The following USP18 variants were observed in gnomAD, a reference collection of about 807,000 sequenced individuals.
USP18 encodes ubl carboxyl-terminal hydrolase 18.
Under a neutral mutation model 48.7 loss-of-function variants are expected in USP18, and 11 were observed. The ratio of observed to expected loss-of-function variants is 0.23; its 90% CI spans 0.14 to 0.37. USP18 has a LOEUF of 0.37. Ranked by LOEUF, USP18 falls within the 10% of genes least tolerant of loss-of-function variation. The pLI is 1.00. For synonymous variants in USP18, 114 were observed against 163.2 expected, an observed-to-expected ratio of 0.70 and a Z score of 2.30; for missense variants, 285 against 436.4, an observed-to-expected ratio of 0.65 and a Z score of 3.09.
intron 6 of USP18, among the ~76,000 whole-genome samples, chr22:18,168,604 C>G (rs1295108289): frequency 6.6e-6 from 1 of 152,104 alleles, no homozygotes; most frequent in Non-Finnish European, 1.5e-5. Context: ...CCATGTTGGC[C>G]AGGCTGGTCT....
chr22:18,175,704 C>T (rs9605540), intron 10 of USP18, among the ~76,000 whole-genome samples: 132 of 143,130 alleles, frequency 9.2e-4, no homozygotes, highest in Admixed American at 1.8e-3. Context: ...AGACTGGGTG[C>T]GATCTCCCAC....
intron 8 of USP18, among the ~76,000 whole-genome samples, chr22:18,172,857 T>C (rs944288273): frequency 3.1e-4 from 46 of 150,498 alleles, no homozygotes; most frequent in Non-Finnish European, 5.5e-4. Context: ...TGTGTTCTGA[T>C]GATCCCCACC....
chr22:18,158,867 T>G (rs1022658945), intron 2 of USP18, among the ~76,000 whole-genome samples: 1 of 152,170 alleles, frequency 6.6e-6, no homozygotes, highest in Non-Finnish European at 1.5e-5. Flanking sequence ...AGATGCACAT[T>G]TGGACTTAGC....
chr22:18,161,906 C>A lies in USP18; in HGVS notation c.371C>A (p.Ala124Asp), dbSNP rs147164562. Residue 124 changes from alanine (A) to aspartate (D), a missense_variant, in exon 4 of 11, where the codon GCC becomes GAC. Physicochemically the swap from Ala to Asp is moderately radical, Grantham distance 126. Around this residue, in one of 5 missense-constraint regions of USP18, gnomAD observed 199 missense variants for 239.6 expected, o/e 0.83. Coordinates refer to ENST00000215794, the MANE Select transcript of USP18 (RefSeq NM_017414.4). ...AAAGCAGTGCGGCCCCTGGAGCTGG[C>A]CTACTGCCTGCAGAAGTGCAACGTG... ...RQKAVRPLELAYCLQKCNVPL... is the reference protein window; with the variant it reads ...RQKAVRPLELDYCLQKCNVPL... The A allele has an allele frequency of 6.2e-7, 1 of 1,613,606 alleles. No homozygotes were observed. The highest frequency in any genetic ancestry group is 1.3e-5 in the African/African-American group (1 of 74,882).
intron 1 of USP18, among the ~76,000 whole-genome samples, chr22:18,153,738 A>G (rs1050685128): frequency 2.0e-5 from 3 of 152,146 alleles, no homozygotes; most frequent in Non-Finnish European, 2.9e-5. Flanking sequence ...GTGAACTGCC[A>G]TGCCTGGCTT....
rs757013423 is a variant in USP18, at chr22:18,173,775, T to C, written c.1024-18T>C. ...TGTGTCAGCTGGCTGCTTGACCCCATTTGTTTCTGGCTTCCAGGTGTCCTG... is the reference window on the plus strand; with the variant it reads ...TGTGTCAGCTGGCTGCTTGACCCCACTTGTTTCTGGCTTCCAGGTGTCCTG... On this transcript the variant is annotated intron_variant, in intron 9 of 10. Coordinates refer to ENST00000215794, the MANE Select transcript of USP18 (RefSeq NM_017414.4). The C allele has an allele frequency of 1.2e-5, 20 of 1,606,536 alleles. No individual in the cohort carries two copies. The highest frequency in any genetic ancestry group is 8.8e-5 in the South Asian group (8 of 90,506).
intron 1 of USP18, among the ~76,000 whole-genome samples, chr22:18,152,453 G>A (rs1427182597): frequency 1.5e-5 from 2 of 130,668 alleles, no homozygotes; most frequent in South Asian, 4.9e-4. Context: ...ATGAGAGAAC[G>A]TGAACCAAAA....
In USP18 at chr22:18,167,195, G is replaced by C. The variant is rs1265478444; in HGVS notation, c.401-60G>C. 3.0e-5 allele frequency: 48 copies of C among 1,599,574 alleles called. 1 individual carries two copies. Among genetic ancestry groups the C allele is most frequent in the Non-Finnish European group, 2.6e-5 (30 of 1,170,000 alleles). ...AGTGTTCATGTGTGTCTAAGTACCA[G>C]GGCATGAGAAGCGACTCTGAAGACC... On this transcript the variant is annotated intron_variant, in intron 4 of 10. Coordinates refer to ENST00000215794, the MANE Select transcript of USP18 (RefSeq NM_017414.4).
chr22:18,158,269 CAG>C (rs1376876354), intron 2 of USP18, among the ~76,000 whole-genome samples: 2 of 152,186 alleles, frequency 1.3e-5, no homozygotes, highest in Non-Finnish European at 2.9e-5. Flanking sequence ...GCCTGGGTGA[CAG>C]AGTGAGACTC....
intron 4 of USP18, among the ~76,000 whole-genome samples, chr22:18,163,519 T>C (rs1317052491): frequency 6.6e-6 from 1 of 151,730 alleles, no homozygotes; most frequent in Non-Finnish European, 1.5e-5. Flanking sequence ...GGCGGGCGCC[T>C]GTAGTCCCAG....
At chr22:18,158,310 G>C (rs916745251) in intron 2 of USP18, among the ~76,000 whole-genome samples, 18 of 152,138 alleles carry the variant, frequency 1.2e-4, no homozygotes, top group African/African-American at 4.3e-4. Flanking sequence ...AAACAAATGG[G>C]GGTAATAATA....
chr22:18,156,226 A>C (rs2123727217), intron 1 of USP18, among the ~76,000 whole-genome samples: 1 of 152,070 alleles, frequency 6.6e-6, no homozygotes, highest in East Asian at 1.9e-4. Flanking sequence ...ACCCATCAGC[A>C]CCCTGTCAAA....
chr22:18,157,813 C>T lies in USP18; in HGVS notation c.150C>T (p.Tyr50=), dbSNP rs1482849109. 5.6e-6 allele frequency: 9 copies of T among 1,613,910 alleles called. No individual in the cohort carries two copies. The highest frequency in any genetic ancestry group is 1.3e-5 in the African/African-American group (1 of 74,866). Residue 50 remains tyrosine (Y), a synonymous_variant, in exon 2 of 11, where the codon TAC becomes TAT. Coordinates refer to ENST00000215794, the MANE Select transcript of USP18 (RefSeq NM_017414.4). ...QPRERPRAWD[Y]PHGLVGLHNI... is the part of the protein sequence containing the mutation. ...GAGAGCGTCCCAGGGCCTGGGACTA[C>T]CCTCATGGTCATTAGACCCCTCCCG...
intron 4 of USP18, among the ~76,000 whole-genome samples, chr22:18,166,335 C>G (rs551491593): frequency 1.3e-5 from 2 of 152,142 alleles, no homozygotes; most frequent in Admixed American, 1.3e-4. Flanking sequence ...GCAGCATTTT[C>G]ACACTTTCTT....
intron 8 of USP18, 89 bp from the exon 9 acceptor site, chr22:18,173,061 G>C: frequency 6.3e-7 from 1 of 1,593,344 alleles, no homozygotes; most frequent in Non-Finnish European, 8.5e-7. Flanking sequence ...TAAAGTCCCA[G>C]AGTCGGGCCT....
intron 1 of USP18, among the ~76,000 whole-genome samples, chr22:18,155,625 GC>G (rs1360234794): frequency 9.3e-5 from 13 of 140,228 alleles, no homozygotes; most frequent in African/African-American, 3.1e-4. Context: ...GGAGCGGCCA[GC>G]CGGCCGGCCT....
chr22:18,174,594 A>T (rs1197632970), intron 10 of USP18, among the ~76,000 whole-genome samples: 21 of 151,406 alleles, frequency 1.4e-4, no homozygotes, highest in Admixed American at 1.1e-3. Context: ...TTTTTAATTT[A>T]ATTTTATTTT....
Position 18,169,913 on chromosome 22 carries a change from T to C in USP18, c.697T>C (p.Cys233Arg), listed in dbSNP as rs751411112. 8.7e-6 allele frequency: 14 copies of C among 1,606,596 alleles called. No homozygotes were observed. The highest frequency in any genetic ancestry group is 1.1e-5 in the Non-Finnish European group (13 of 1,176,160). Residue 233 changes from cysteine to arginine, a missense_variant, in exon 7 of 11, where the codon TGT (cysteine) becomes CGT (arginine). By Grantham distance (180) the Cys-to-Arg change is radical. Around this residue, in one of 5 missense-constraint regions of USP18, gnomAD observed 34 missense variants for 94.8 expected, o/e 0.36. Transcript: ENST00000215794. The stretch of plus-strand genomic sequence containing the variant: ...CAAAAGCAAGTGCTTCTGTGAGAAC[T>C]GTGGGAAGAAGACCCGTGGGAAACA... ...SSKSKCFCENCGKKTRGKQVL... is the reference protein window; with the variant it reads ...SSKSKCFCENRGKKTRGKQVL...
At position 18,173,185 on chromosome 22, in the gene USP18, G is replaced by C. The variant is rs777782239; in HGVS notation, c.927G>C (p.Ala309=). 5 of 1,609,574 alleles carry C rather than the reference G, an allele frequency of 3.1e-6. No individual in the cohort carries two copies. The highest frequency in any genetic ancestry group is 4.2e-6 in the Non-Finnish European group (5 of 1,177,692). Residue 309 remains alanine (A), a synonymous_variant, in exon 9 of 11, where the codon GCG becomes GCC. Coordinates refer to ENST00000215794, the MANE Select transcript of USP18 (RefSeq NM_017414.4). The part of the protein sequence containing the change: ...GGQYELFAVI[A]HVGMADSGHY... Reference sequence around the variant, plus strand: ...AGTATGAGCTTTTTGCTGTGATTGCGCACGTGGGAATGGCAGACTCCGGTC... The same window carrying C: ...AGTATGAGCTTTTTGCTGTGATTGCCCACGTGGGAATGGCAGACTCCGGTC...
Sources: allele counts gnomAD v4.1 joint callset (sites outside exome capture counted in the v4.1 genomes callset), GRCh38; gene constraint gnomAD v4.1.1; regional missense constraint gnomAD v4.1.1; transcripts MANE v1.5; gene names NCBI Gene and HGNC (gene_info 2026-07-23, HGNC 2026-07-21).